Variants in EYS observed in about 807,000 individuals in gnomAD.
The protein encoded by EYS is EGF-like photoreceptor maintenance factor.
Under a neutral mutation model 282.1 loss-of-function variants are expected in EYS, and 250 were observed. The observed-to-expected ratio is 0.89, with a 90% CI of 0.80 to 0.98. The LOEUF is 0.98. Among genes scored for constraint, EYS ranks in the 50% least tolerant of loss-of-function variants. The probability of loss-of-function intolerance (pLI) is 0.00; values close to 1 mark genes in which losing one functional copy is unlikely to be tolerated. For synonymous variants in EYS, 1,355 were observed against 1,282.9 expected (o/e 1.06, Z -1.20); for missense variants, 4,016 against 3,709.0 (o/e 1.08, Z -2.15).
chr6:65,069,242 CT>C (rs1199234356), intron 12 of EYS, among the ~76,000 whole-genome samples: 1 of 151,944 alleles, frequency 6.6e-6, no homozygotes, highest in Non-Finnish European at 1.5e-5. Context: ...CTATTCTAGC[CT>C]TTTCTACCTT....
At chr6:64,983,190 G>C (rs1203010406) in intron 14 of EYS, among the ~76,000 whole-genome samples, 1 of 151,162 alleles carries the variant, frequency 6.6e-6, no homozygotes, top group African/African-American at 2.4e-5. Flanking sequence ...AGCTTTGAAA[G>C]AGGTCATCTA....
intron 2 of EYS, among the ~76,000 whole-genome samples, chr6:65,555,447 T>G (rs914184658): frequency 6.6e-6 from 1 of 152,148 alleles, no homozygotes; most frequent in African/African-American, 2.4e-5. Flanking sequence ...TCACTATATA[T>G]TAGTTCATAT....
At chr6:65,089,536 C>A (rs58873357) in intron 12 of EYS, among the ~76,000 whole-genome samples, 6,618 of 152,130 alleles carry the variant, frequency 0.044, 413 homozygotes, top group African/African-American at 0.14. Flanking sequence ...GCTGGTATCC[C>A]CATTGTATCT....
chr6:64,705,730 A>G (rs1482656476), intron 22 of EYS, among the ~76,000 whole-genome samples: 4 of 150,574 alleles, frequency 2.7e-5, no homozygotes, highest in Admixed American at 2.0e-4. Context: ...CGCAAGAACA[A>G]AAAACCAAAC....
chr6:65,293,969 G>A (rs1414851780), intron 12 of EYS, among the ~76,000 whole-genome samples: 1 of 151,798 alleles, frequency 6.6e-6, no homozygotes, highest in African/African-American at 2.4e-5. Flanking sequence ...CATGAGTTTG[G>A]AGACGGAGGG....
chr6:64,664,484 T>C (rs570286730), intron 22 of EYS, among the ~76,000 whole-genome samples: 6 of 152,252 alleles, frequency 3.9e-5, no homozygotes, highest in Admixed American at 1.3e-4. Flanking sequence ...ATATGATATG[T>C]CTGGAAAGAG....
chr6:64,720,960 A>G (rs1247747618), intron 22 of EYS, among the ~76,000 whole-genome samples: 1 of 152,196 alleles, frequency 6.6e-6, no homozygotes, highest in Non-Finnish European at 1.5e-5. Context: ...ATGTTTTGAG[A>G]TCTAAAACCA....
intron 19 of EYS, among the ~76,000 whole-genome samples, chr6:64,823,132 C>A (rs548819279): frequency 6.6e-6 from 1 of 151,824 alleles, no homozygotes; most frequent in Non-Finnish European, 1.5e-5. Flanking sequence ...ACTGTGAATA[C>A]TAATTCATAA....
chr6:65,662,650 T>C (rs958328914), intron 1 of EYS, among the ~76,000 whole-genome samples: 1 of 152,190 alleles, frequency 6.6e-6, no homozygotes, highest in Non-Finnish European at 1.5e-5. Flanking sequence ...TCAGGGTGGA[T>C]GTGGAAACCC....
At chr6:65,116,635 A>G (rs1775382116) in intron 12 of EYS, among the ~76,000 whole-genome samples, 1 of 152,126 alleles carries the variant, frequency 6.6e-6, no homozygotes, top group Admixed American at 6.6e-5. Flanking sequence ...AGGAGATAGG[A>G]AAGAAAACTA....
chr6:63,781,638 G>A (rs1770229857), intron 39 of EYS, among the ~76,000 whole-genome samples: 1 of 152,168 alleles, frequency 6.6e-6, no homozygotes, highest in African/African-American at 2.4e-5. Context: ...ATCAGCTTAA[G>A]GAGATTTTGG....
At chr6:65,603,877 TG>T (rs1398239931) in intron 2 of EYS, among the ~76,000 whole-genome samples, 23 of 152,062 alleles carry the variant, frequency 1.5e-4, no homozygotes, top group East Asian at 1.2e-3. Context: ...AAACTGCTCA[TG>T]TTTTTTTTGT....
chr6:65,644,898 A>C (rs2083259308), intron 1 of EYS, among the ~76,000 whole-genome samples: 1 of 152,180 alleles, frequency 6.6e-6, no homozygotes, highest in Admixed American at 6.6e-5. Flanking sequence ...CCAGCACTAC[A>C]AGAACCGCTA....
chr6:64,417,319 G>T (rs1774086302), intron 28 of EYS, among the ~76,000 whole-genome samples: 1 of 152,116 alleles, frequency 6.6e-6, no homozygotes, highest in Non-Finnish European at 1.5e-5. Context: ...GAGATTTAAG[G>T]TTCTGAGTTC....
intron 29 of EYS, among the ~76,000 whole-genome samples, chr6:64,324,709 A>G (rs1334093982): frequency 6.6e-6 from 1 of 152,236 alleles, no homozygotes; most frequent in Non-Finnish European, 1.5e-5. Context: ...CTGTATATTT[A>G]GAAAACCATA....
intron 31 of EYS, among the ~76,000 whole-genome samples, chr6:64,194,726 G>GTT (rs1277987739): frequency 1.3e-5 from 2 of 151,986 alleles, no homozygotes; most frequent in Non-Finnish European, 2.9e-5. Flanking sequence ...TGGGGTCAGT[G>GTT]TTATATATAT....
At chr6:65,672,006 C>T (rs1444364866) in intron 1 of EYS, among the ~76,000 whole-genome samples, 1 of 152,048 alleles carries the variant, frequency 6.6e-6, no homozygotes, top group African/African-American at 2.4e-5. Flanking sequence ...TTCTCCCCAG[C>T]TCAGCATAAC....
intron 5 of EYS, among the ~76,000 whole-genome samples, chr6:65,447,316 G>GTA (rs1251578866): frequency 2.3e-5 from 2 of 88,144 alleles, no homozygotes; most frequent in South Asian, 3.6e-4. Flanking sequence ...CTGTGTGTGT[G>GTA]TATATATATG....
At chr6:64,722,872 GT>G (rs1457079924) in intron 22 of EYS, among the ~76,000 whole-genome samples, 1 of 151,950 alleles carries the variant, frequency 6.6e-6, no homozygotes, top group Non-Finnish European at 1.5e-5. Flanking sequence ...CTTTCAAAAA[GT>G]GACTGTGTTA....
Sources: allele counts gnomAD v4.1 joint callset (sites outside exome capture counted in the v4.1 genomes callset), GRCh38; gene constraint gnomAD v4.1.1; transcripts MANE v1.5; gene names NCBI Gene and HGNC (gene_info 2026-07-23, HGNC 2026-07-21).